The following ATG16L1 variants were observed in gnomAD, a reference collection of about 807,000 sequenced individuals.
ATG16L1 encodes the protein autophagy-related protein 16-1.
In ATG16L1, 37 loss-of-function variants were observed where a neutral mutation model predicts 88.5. The ratio of observed to expected loss-of-function variants is 0.42; its 90% CI spans 0.32 to 0.55. The LOEUF (loss-of-function observed/expected upper bound fraction) is 0.55. ATG16L1 is among the 20% of genes least tolerant of loss of function. The pLI, the probability that ATG16L1 is intolerant of heterozygous loss-of-function variation, is 0.13. For missense variants in ATG16L1, 554 were observed against 752.8 expected (o/e 0.74, Z 3.09); for synonymous variants, 301 against 281.0 (o/e 1.07, Z -0.71).
At chr2:233,253,500 C>G (rs1696559938) in intron 1 of ATG16L1, among the ~76,000 whole-genome samples, 1 of 151,756 alleles carries the variant, frequency 6.6e-6, no homozygotes, top group Non-Finnish European at 1.5e-5. Flanking sequence ...CAAGCACCGC[C>G]ACGCCCAGCT....
intron 6 of ATG16L1, among the ~76,000 whole-genome samples, chr2:233,271,526 C>T (rs1697988800): frequency 6.6e-6 from 1 of 152,254 alleles, no homozygotes; most frequent in South Asian, 2.1e-4. Context: ...GATCTGCCCG[C>T]CTTGGCCTCC....
At chr2:233,283,498 C>T (rs1559405764) in intron 12 of ATG16L1, among the ~76,000 whole-genome samples, 3 of 151,138 alleles carry the variant, frequency 2.0e-5, no homozygotes, top group Middle Eastern at 3.4e-3. Context: ...TAACACAAGC[C>T]GTTTGTGTGT....
chr2:233,286,098 A>G (rs537030621), intron 12 of ATG16L1, among the ~76,000 whole-genome samples: 13 of 152,226 alleles, frequency 8.5e-5, no homozygotes, highest in African/African-American at 2.9e-4. Flanking sequence ...AGGATTGGCT[A>G]TGGCTGCTAG....
chr2:233,275,827 A>G, intron 9 of ATG16L1: 2 of 519,160 alleles, frequency 3.9e-6, no homozygotes, highest in South Asian at 2.8e-5. Flanking sequence ...CGTCACATTT[A>G]AGTCATGTGT....
chr2:233,288,082 G>A (rs556863138), intron 12 of ATG16L1, among the ~76,000 whole-genome samples: 3 of 152,180 alleles, frequency 2.0e-5, no homozygotes, highest in South Asian at 4.1e-4. Flanking sequence ...GCCGGCACCC[G>A]ACTGGCAGCA....
chr2:233,277,892 C>T (rs1698481602), intron 10 of ATG16L1, among the ~76,000 whole-genome samples: 1 of 152,134 alleles, frequency 6.6e-6, no homozygotes, highest in African/African-American at 2.4e-5. Flanking sequence ...CTCTCATTTT[C>T]TAAGTAGTGA....
intron 16 of ATG16L1, 40 bp downstream of exon 16, chr2:233,292,474 A>T: frequency 6.2e-7 from 1 of 1,611,578 alleles, no homozygotes; most frequent in Non-Finnish European, 8.5e-7. Flanking sequence ...GGTTCATCAC[A>T]AAGAGTCCTG....
intron 2 of ATG16L1, among the ~76,000 whole-genome samples, chr2:233,258,276 G>A (rs1574843849): frequency 6.6e-6 from 1 of 152,174 alleles, no homozygotes; most frequent in Non-Finnish European, 1.5e-5. Context: ...CAAGGTTGGT[G>A]ATTTATGGTG....
rs1574831230 is a variant in ATG16L1 at position 233,251,704 on chromosome 2, G to A, written c.-124G>A. 1.2e-5 allele frequency: 10 copies of A among 834,282 alleles called. No homozygotes were observed. The highest frequency in any genetic ancestry group is 1.2e-4 in the South Asian group (8 of 67,418). 51.7% of individuals were successfully genotyped at this position (834,282 alleles called of 1,614,324 possible). A position where few individuals can be genotyped will look rare whatever the true frequency, so the allele number is the denominator to read the frequency against. ...TCCCGGATGGCCTCGGGGACTGCCA[G>A]TGTGTGGAGGTGAGCTCCGGGATTG... On this transcript the variant is annotated 5_prime_UTR_variant, in exon 1 of 18. In the 5' UTR this introduces an upstream ATG that the reference lacks. Coordinates refer to ENST00000392017, the MANE Select transcript of ATG16L1 (RefSeq NM_030803.7).
chr2:233,251,987 G>A (rs1427716130), intron 1 of ATG16L1, 45 bp downstream of exon 1: 1 of 1,438,540 alleles, frequency 7.0e-7, no homozygotes, highest in Admixed American at 2.4e-5. Flanking sequence ...GGCGGGCCCC[G>A]CGGAGGCATG....
At chr2:233,274,858 TG>T (rs1698240876) in intron 9 of ATG16L1, 80 bp downstream of exon 9, 2 of 988,324 alleles carry the variant, frequency 2.0e-6, no homozygotes, top group Admixed American at 1.9e-5. Context: ...TTTCTAGGCC[TG>T]CAGCTAAGCA....
intron 11 of ATG16L1, 67 bp from the exon 12 acceptor site, chr2:233,282,615 T>G: frequency 1.5e-6 from 2 of 1,365,766 alleles, no homozygotes; most frequent in South Asian, 2.3e-5. Context: ...TTGGGGAATT[T>G]ATATCGTGTG....
Position 233,263,246 on chromosome 2 carries a change from C to T in ATG16L1, c.315+11C>T. The T allele has an allele frequency of 6.2e-7, 1 of 1,607,334 alleles. No homozygotes were observed. On this transcript the variant is annotated intron_variant, in intron 3 of 17. Coordinates refer to ENST00000392017, the MANE Select transcript of ATG16L1 (RefSeq NM_030803.7). ...AAGAAACGTGGGGAGGTAAAGCTAG[C>T]CCTTTTCCTCATCTGTCTTCTGCCC...
Position 233,294,373 on chromosome 2 carries a change from A to G in ATG16L1, c.*23A>G. Reference sequence around the variant, plus strand: ...TGACGGGGCTCTCAGGGCTGGGAGGACCCCAGTGCCCTCCTCAGAAGAAGC... The same window carrying G: ...TGACGGGGCTCTCAGGGCTGGGAGGGCCCCAGTGCCCTCCTCAGAAGAAGC... On this transcript the variant is annotated 3_prime_UTR_variant, in exon 18 of 18. Coordinates refer to ENST00000392017, the MANE Select transcript of ATG16L1 (RefSeq NM_030803.7). 2 of 1,593,612 alleles carry G rather than the reference A, an allele frequency of 1.3e-6. No individual in the cohort carries two copies. The highest frequency in any genetic ancestry group is 1.7e-6 in the Non-Finnish European group (2 of 1,163,244).
intron 17 of ATG16L1, among the ~76,000 whole-genome samples, chr2:233,293,578 A>G (rs1699611796): frequency 6.7e-6 from 1 of 150,162 alleles, no homozygotes; most frequent in Non-Finnish European, 1.5e-5. Context: ...TTAGAGTGGC[A>G]GCCGCTGGAG....
At chr2:233,258,001 CAAAAAAAA>C (rs57141358) in intron 2 of ATG16L1, among the ~76,000 whole-genome samples, 6 of 88,802 alleles carry the variant, frequency 6.8e-5, no homozygotes, top group Admixed American at 1.2e-4. Context: ...GACTCCGTCT[CAAAAAAAA>C]AAAAAAAATA....
At position 233,251,745 on chromosome 2, in the gene ATG16L1, C is replaced by T. The variant is rs1696383844; in HGVS notation, c.-83C>T. On this transcript the variant is annotated 5_prime_UTR_variant, in exon 1 of 18. Transcript: ENST00000392017. ...TCCGGGATTGCCGGCATTCCCGCTTCTGCTGGTTGCTTCATGCTGCAGGCT... is the reference window on the plus strand; with the variant it reads ...TCCGGGATTGCCGGCATTCCCGCTTTTGCTGGTTGCTTCATGCTGCAGGCT... 1 of 1,291,804 alleles carries T rather than the reference C, an allele frequency of 7.7e-7. No individual in the cohort carries two copies. The highest frequency in any genetic ancestry group is 1.1e-6 in the Non-Finnish European group (1 of 918,888). The allele number at this position is 1,291,804 out of a possible 1,614,324, so 80.0% of individuals were successfully genotyped here.
rs563015363 is a variant in ATG16L1 at position 233,259,920 on chromosome 2, A to C, written c.210-3210A>C. Among the ~76,000 whole-genome samples the C allele has an allele frequency of 2.0e-5, 3 of 152,304 alleles. No individual in the cohort carries two copies. In the South Asian group the frequency reaches 6.2e-4, roughly 32 times the overall value. The stretch of plus-strand genomic sequence containing the variant: ...ACTGTGGTGAGAGCCTCATTCACTC[A>C]AAAGACTCCTGTGACCGTAGTGTGG... On this transcript the variant is annotated intron_variant, in intron 2 of 17. Transcript: ENST00000392017.
intron 12 of ATG16L1, 157 bp downstream of exon 12, chr2:233,282,910 C>T: frequency 1.6e-6 from 1 of 623,172 alleles, no homozygotes; most frequent in South Asian, 1.9e-5. Flanking sequence ...ATCTGTGTTT[C>T]CACTTTATAC....
Sources: allele counts gnomAD v4.1 joint callset (sites outside exome capture counted in the v4.1 genomes callset), GRCh38; gene constraint gnomAD v4.1.1; transcripts MANE v1.5; gene names NCBI Gene and HGNC (gene_info 2026-07-23, HGNC 2026-07-21).